The following COQ6 variants were observed in gnomAD, a reference collection of about 807,000 sequenced individuals.
The protein encoded by COQ6 is ubiquinone biosynthesis monooxygenase COQ6, mitochondrial.
Under a neutral mutation model 55.5 loss-of-function variants are expected in COQ6, and 45 were observed. That is an observed-to-expected ratio of 0.81 (90% CI 0.64 to 1.04). COQ6 has a LOEUF of 1.04. Ranked by LOEUF, COQ6 falls within the 50% of genes least tolerant of loss-of-function variation. The pLI is 0.00. For missense variants in COQ6, 550 were observed against 601.3 expected (o/e 0.91, Z 0.89); for synonymous variants, 206 against 230.5 (o/e 0.89, Z 0.96).
rs75088275 is a variant in COQ6 at position 73,960,922 on chromosome 14, G to A, written c.892-251G>A. On this transcript the variant is annotated intron_variant, in intron 8 of 11. Coordinates refer to ENST00000334571, the MANE Select transcript of COQ6 (RefSeq NM_182476.3). ...GCTGGTGCGTGGTTATTGAGGGTGG[G>A]GACTAGTGAAAGGTGAAGCTCAGAA... 31 of 585,604 alleles carry A rather than the reference G, an allele frequency of 5.3e-5. No homozygotes were observed. In the South Asian group the frequency reaches 5.6e-4, roughly 11 times the overall value. 36.3% of individuals were successfully genotyped at this position (585,604 alleles called of 1,614,324 possible). A position where few individuals can be genotyped will look rare whatever the true frequency, so the allele number is the denominator to read the frequency against.
chr14:73,959,679 C>T lies in COQ6; in HGVS notation c.891+157C>T, dbSNP rs949807337. Reference sequence around the variant, plus strand: ...CCGCCTCCCGGGTTCAAGCGATTCTCCTGCCTCAGCCTCCTAAGTAGCTGG... The same window carrying T: ...CCGCCTCCCGGGTTCAAGCGATTCTTCTGCCTCAGCCTCCTAAGTAGCTGG... On this transcript the variant is annotated intron_variant, in intron 8 of 11. Transcript: ENST00000334571. The T allele has an allele frequency of 2.2e-6, 3 of 1,365,870 alleles. No individual in the cohort carries two copies. In the South Asian group the frequency reaches 3.8e-5, roughly 18 times the overall value. 84.6% of individuals were successfully genotyped at this position (1,365,870 alleles called of 1,614,324 possible).
Position 73,953,510 on chromosome 14 carries a change from C to T in COQ6, c.239C>T (p.Ser80Leu). The T allele has an allele frequency of 1.2e-6, 2 of 1,614,132 alleles. No individual in the cohort carries two copies. Among genetic ancestry groups the T allele is most frequent in the Non-Finnish European group, 1.7e-6 (2 of 1,180,010 alleles). ...CCAAAGAAAGTACTGGAGAAATTGT[C>T]AGAAACTTACAGCAACAGGGTCAGC... ...AGPKKVLEKL[S>L]ETYSNRVSSI... The change falls in exon 2 of 12, where the codon TCA becomes TTA. Residue 80 changes from serine (S) to leucine (L), a missense_variant. Ser to Leu is a moderately radical substitution (Grantham distance 145, BLOSUM62 -2). Transcript: ENST00000334571.
chr14:73,958,179 A>G lies in COQ6; in HGVS notation c.514A>G (p.Ile172Val), dbSNP rs2056535247. The change falls in exon 5 of 12, where the codon ATT (isoleucine) becomes GTT (valine). Residue 172 changes from isoleucine to valine, a missense_variant. Coordinates refer to ENST00000334571, the MANE Select transcript of COQ6 (RefSeq NM_182476.3). ...RVTVLYRSKA[I>V]RYTWPCPFPM... ...GACGGTTCTCTACAGGAGCAAAGCC[A>G]TTCGCTATACCTGGCCTTGTCCATT... The G allele has an allele frequency of 6.2e-7, 1 of 1,613,922 alleles. No individual in the cohort carries two copies. Among genetic ancestry groups the G allele is most frequent in the African/African-American group, 1.3e-5 (1 of 74,888 alleles).
intron 1 of COQ6, chr14:73,950,697 C>G (rs2056155615): frequency 1.4e-6 from 1 of 716,222 alleles, no homozygotes; most frequent in African/African-American, 1.8e-5. Flanking sequence ...GTGGGAGGGG[C>G]GTTCAGAGTC....
At chr14:73,958,650 A>G (rs1018109293) in intron 5 of COQ6, 1 of 1,301,130 alleles carries the variant, frequency 7.7e-7, no homozygotes, top group African/African-American at 1.5e-5. Context: ...TCCTAACCCT[A>G]CATCAGAACT....
chr14:73,955,357 C>T, intron 2 of COQ6, 94 bp from the exon 3 acceptor site: 1 of 921,928 alleles, frequency 1.1e-6, no homozygotes. Flanking sequence ...TTGAAGAACA[C>T]TGAAAACAAC....
Position 73,956,409 on chromosome 14 carries a change from T to A in COQ6, c.481+481T>A, listed in dbSNP as rs2336738. On this transcript the variant is annotated intron_variant, in intron 4 of 11. Coordinates refer to ENST00000334571, the MANE Select transcript of COQ6 (RefSeq NM_182476.3). ...TGGAATTGCTGGGTCATATAATAAT[T>A]CTATGTTTAATATTTTCAGAAGCTG... is the stretch of plus-strand genomic sequence containing the variant. 866 of 164,926 alleles carry A rather than the reference T, an allele frequency of 5.3e-3. 8 individuals carry two copies. Among genetic ancestry groups the A allele is most frequent in the African/African-American group, 0.019 (790 of 41,796 alleles). The allele number at this position is 164,926 out of a possible 1,614,324, so 10.2% of individuals were successfully genotyped here.
rs2056584321 is a variant in COQ6 at position 73,959,150 on chromosome 14, T to C, written c.721-12T>C. On this transcript the variant is annotated splice_polypyrimidine_tract_variant and intron_variant, in intron 6 of 11. Coordinates refer to ENST00000334571, the MANE Select transcript of COQ6 (RefSeq NM_182476.3). ...GTACTTCACAGAGAAACTTTTCTCCTCTCTGTTGCAGGCCACAGAAAACAA... is the reference window on the plus strand; with the variant it reads ...GTACTTCACAGAGAAACTTTTCTCCCCTCTGTTGCAGGCCACAGAAAACAA... 2 of 1,614,068 alleles carry C rather than the reference T, an allele frequency of 1.2e-6. No individual in the cohort carries two copies. Among genetic ancestry groups the C allele is most frequent in the Non-Finnish European group, 8.5e-7 (1 of 1,180,028 alleles).
Position 73,950,455 on chromosome 14 carries a change from G to C in COQ6, c.123G>C (p.Ser41=). Residue 41 remains serine (S), a synonymous_variant, in exon 1 of 12, where the codon TCG becomes TCC. Coordinates refer to ENST00000334571, the MANE Select transcript of COQ6 (RefSeq NM_182476.3). ...ACACCGTGTATGACGTGGTGGTGTC[G>C]GGTGGAGGCCTGGTGGGCGCTGCCA... is the stretch of plus-strand genomic sequence containing the variant. ...STDTVYDVVV[S]GGGLVGAAMA... is the part of the protein sequence containing the mutation. 6.2e-7 allele frequency: 1 copy of C among 1,609,946 alleles called. No homozygotes were observed. Among genetic ancestry groups the C allele is most frequent in the South Asian group, 1.1e-5 (1 of 90,170 alleles).
At chr14:73,957,098 ATTATTT>A (rs1270872942) in intron 4 of COQ6, among the ~76,000 whole-genome samples, 75 of 127,508 alleles carry the variant, frequency 5.9e-4, no homozygotes, top group African/African-American at 1.8e-3. Context: ...TATTATTATT[ATTATTT>A]TTTTTTTTTT....
At chr14:73,952,425 CTTTCT>C (rs769242472) in intron 1 of COQ6, among the ~76,000 whole-genome samples, 3 of 149,288 alleles carry the variant, frequency 2.0e-5, no homozygotes, top group South Asian at 2.1e-4. Context: ...CCTGACCTTT[CTTTCT>C]TTTCTTTTCT....
chr14:73,961,109 T>C (rs2056704404), intron 8 of COQ6, 64 bp from the exon 9 acceptor site: 2 of 1,546,960 alleles, frequency 1.3e-6, no homozygotes, highest in Non-Finnish European at 8.8e-7. Flanking sequence ...GGTTTCTTTA[T>C]TGAATTTTTA....
intron 3 of COQ6, 117 bp downstream of exon 3, chr14:73,955,626 G>T (rs2302118): frequency 4.5e-6 from 6 of 1,346,752 alleles, no homozygotes; most frequent in Non-Finnish European, 6.4e-6. Flanking sequence ...TTCACATTCA[G>T]TCCGAGGAAG....
At chr14:73,958,943 G>A (rs1446498711) in intron 5 of COQ6, 28 bp from the exon 6 acceptor site, 8 of 1,612,706 alleles carry the variant, frequency 5.0e-6, no homozygotes, top group Middle Eastern at 2.0e-4. Context: ...GAGGCTGGAA[G>A]ACTTAGCAGG....
Position 73,959,173 on chromosome 14 carries a change from C to T in COQ6, c.732C>T (p.Asn244=). 6.2e-7 allele frequency: 1 copy of T among 1,614,224 alleles called. No individual in the cohort carries two copies. Reference sequence around the variant, plus strand: ...CCTCTCTGTTGCAGGCCACAGAAAACAACGTAGCCTGGCAGAGATTTCTTC... The same window carrying T: ...CCTCTCTGTTGCAGGCCACAGAAAATAACGTAGCCTGGCAGAGATTTCTTC... The part of the protein sequence containing the change: ...ATLHLSEATE[N]NVAWQRFLPS... The change falls in exon 7 of 12, where the codon AAC becomes AAT. Residue 244 remains asparagine (N), a synonymous_variant. Transcript: ENST00000334571.
Position 73,950,441 on chromosome 14 carries a change from G to A in COQ6, c.109G>A (p.Asp37Asn). 1.2e-6 allele frequency: 2 copies of A among 1,609,418 alleles called. No homozygotes were observed. Among genetic ancestry groups the A allele is most frequent in the Non-Finnish European group, 1.7e-6 (2 of 1,178,242 alleles). The change falls in exon 1 of 12, where the codon GAC (aspartate) becomes AAC (asparagine). Residue 37 changes from aspartate (D) to asparagine (N), a missense_variant. Coordinates refer to ENST00000334571, the MANE Select transcript of COQ6 (RefSeq NM_182476.3). The stretch of plus-strand genomic sequence containing the variant: ...CGGCGCCTCAACAGACACCGTGTAT[G>A]ACGTGGTGGTGTCGGGTGGAGGCCT... Reference protein sequence around the residue: ...WSGASTDTVYDVVVSGGGLVG... With the variant: ...WSGASTDTVYNVVVSGGGLVG...
At chr14:73,960,145 C>G (rs1287814671) in intron 8 of COQ6, 5 of 989,950 alleles carry the variant, frequency 5.1e-6, no homozygotes, top group Non-Finnish European at 6.0e-6. Context: ...CTGAACCTTT[C>G]AAGCCTGATT....
chr14:73,956,790 C>G (rs545082153), intron 4 of COQ6: 1 of 151,928 alleles, frequency 6.6e-6, no homozygotes, highest in African/African-American at 2.4e-5. Flanking sequence ...TCTTAATGTT[C>G]TAGAGAGAGA....
At position 73,959,237 on chromosome 14, in the gene COQ6, TCTGAC is replaced by T. The variant is rs780694613; in HGVS notation, c.783+15_783+19del. 1.9e-6 allele frequency: 3 copies of T among 1,614,258 alleles called. No homozygotes were observed. Among genetic ancestry groups the T allele is most frequent in the Non-Finnish European group, 8.5e-7 (1 of 1,180,044 alleles). The stretch of plus-strand genomic sequence containing the variant: ...TGCTCTGCTCCCGGTAAGAGGTCCT[TCTGAC>T]CAGTCCGCCCACATGCATGCAAGCC... On this transcript the variant is annotated intron_variant, in intron 7 of 11. Transcript: ENST00000334571.
Sources: gnomAD v4.1 joint callset for allele counts (sites outside exome capture counted in the v4.1 genomes callset) on GRCh38, gnomAD v4.1.1 for gene constraint, MANE v1.5 for transcripts, NCBI Gene and HGNC (gene_info 2026-07-23, HGNC 2026-07-21) for gene names.